The following AUTS2 variants were observed in gnomAD, a reference collection of about 807,000 sequenced individuals.
The protein encoded by AUTS2 is activator of transcription and developmental regulator AUTS2.
In AUTS2, 17 loss-of-function variants were observed where a neutral mutation model predicts 112.4. The ratio of observed to expected loss-of-function variants is 0.15; its 90% confidence interval spans 0.10 to 0.23. The LOEUF is 0.23. Among genes scored for constraint, AUTS2 ranks in the 10% least tolerant of loss-of-function variants. The pLI, the probability that AUTS2 is intolerant of heterozygous loss-of-function variation, is 1.00. For missense variants in AUTS2, 1,510 were observed against 1,701.6 expected, an observed-to-expected ratio of 0.89 and a Z score of 1.98; for synonymous variants, 751 against 702.7, an observed-to-expected ratio of 1.07 and a Z score of -1.09.
chr7:70,170,092 A>G (rs1808590742), intron 4 of AUTS2, among the ~76,000 whole-genome samples: 1 of 151,898 alleles, frequency 6.6e-6, no homozygotes, highest in Admixed American at 6.6e-5. Context: ...TTTTTATTAA[A>G]AAAAAAAACT....
intron 5 of AUTS2, among the ~76,000 whole-genome samples, chr7:70,441,442 A>G (rs936471622): frequency 3.3e-5 from 5 of 152,124 alleles, no homozygotes; most frequent in Admixed American, 3.3e-4. Context: ...CTGGAGTACA[A>G]TGGCATAATC....
At chr7:69,718,213 G>A (rs1027770227) in intron 1 of AUTS2, among the ~76,000 whole-genome samples, 2 of 152,182 alleles carry the variant, frequency 1.3e-5, no homozygotes, top group Non-Finnish European at 2.9e-5. Flanking sequence ...CTTAGAGAAT[G>A]TTTGAGCATA....
In AUTS2 at chr7:70,790,612, C is replaced by G. The variant is rs1184910197; in HGVS notation, c.3396C>G (p.His1132Gln). Residue 1132 changes from histidine (H) to glutamine (Q), a missense_variant, in exon 19 of 19, where the codon CAC (histidine) becomes CAG (glutamine). Physicochemically the swap from His to Gln is conservative, Grantham distance 24 (BLOSUM62 0). Around this residue, in one of 3 missense-constraint regions of AUTS2, gnomAD observed 788 missense variants for 797.6 expected, o/e 0.99. Transcript: ENST00000342771. This position sits in a 1 kb window ranked among gnomAD's most constrained non-coding sequence, Gnocchi z 7.6. The stretch of plus-strand genomic sequence containing the variant: ...ACAGCCACCACCACCACCACCACCA[C>G]CACCCGCTGTCTGTGGACCCTCGGC... Reference protein sequence around the residue: ...HDYSHHHHHHHHPLSVDPRRE... With the variant: ...HDYSHHHHHHQHPLSVDPRRE... 6.2e-7 allele frequency: 1 copy of G among 1,609,030 alleles called. No individual in the cohort carries two copies. The highest frequency in any genetic ancestry group is 8.5e-7 in the Non-Finnish European group (1 of 1,178,128).
At chr7:70,651,049 G>A (rs1433182837) in intron 5 of AUTS2, among the ~76,000 whole-genome samples, 2 of 152,198 alleles carry the variant, frequency 1.3e-5, no homozygotes, top group Admixed American at 1.3e-4. Context: ...ATGAGCACTT[G>A]CTGATATGAG....
intron 6 of AUTS2, among the ~76,000 whole-genome samples, chr7:70,736,953 T>C (rs1486912210): frequency 6.6e-6 from 1 of 152,190 alleles, no homozygotes. Flanking sequence ...CTGATCACTT[T>C]CCGTGGTTCC....
At chr7:69,870,448 A>AATATATATATATAT (rs11467258) in intron 1 of AUTS2, among the ~76,000 whole-genome samples, 4,764 of 78,914 alleles carry the variant, frequency 0.06, 414 homozygotes, top group East Asian at 0.17. Context: ...ATGTGTGTGT[A>AATATATATATATAT]ATATATATAT....
intron 1 of AUTS2, among the ~76,000 whole-genome samples, chr7:69,779,866 A>AT (rs1443723988): frequency 1.3e-5 from 2 of 151,034 alleles, no homozygotes; most frequent in African/African-American, 2.4e-5. Context: ...TATTTTGTGT[A>AT]TTTTTTTCAG....
intron 4 of AUTS2, among the ~76,000 whole-genome samples, chr7:70,227,903 C>T (rs1811849875): frequency 6.6e-6 from 1 of 152,122 alleles, no homozygotes; most frequent in African/African-American, 2.4e-5. Context: ...ATGTACTATA[C>T]TCATTTGGGG....
intron 5 of AUTS2, among the ~76,000 whole-genome samples, chr7:70,472,976 T>C (rs1797450065): frequency 6.6e-6 from 1 of 152,226 alleles, no homozygotes; most frequent in Non-Finnish European, 1.5e-5. Context: ...ACAAGATGTA[T>C]GTCCTTCCTG....
intron 4 of AUTS2, among the ~76,000 whole-genome samples, chr7:70,352,210 G>A (rs1430095116): frequency 6.6e-6 from 1 of 152,116 alleles, no homozygotes; most frequent in Non-Finnish European, 1.5e-5. Context: ...CAGCCAGAAC[G>A]CATGCTCTTA....
At chr7:70,369,596 A>C (rs1239804974) in intron 4 of AUTS2, among the ~76,000 whole-genome samples, 2 of 152,128 alleles carry the variant, frequency 1.3e-5, no homozygotes, top group Non-Finnish European at 2.9e-5. Context: ...AGTGGCCAGA[A>C]AGAAGAGGAG....
Position 69,661,106 on chromosome 7 carries a change from G to A in AUTS2, c.309+61144G>A, listed in dbSNP as rs941820841. On this transcript the variant is annotated intron_variant, in intron 1 of 18. Transcript: ENST00000342771. ...TTCAGAGGTAACACTACTAGATCTG[G>A]AGAGAGTTCTGTACATTCAGGGAAT... 2.6e-5 allele frequency among the ~76,000 whole-genome samples: 4 copies of A among 152,260 alleles called. No homozygotes were observed. The East Asian group carries it at 5.8e-4, about 22-fold the overall frequency.
chr7:69,669,874 T>C (rs1350866906), intron 1 of AUTS2, among the ~76,000 whole-genome samples: 2 of 152,218 alleles, frequency 1.3e-5, no homozygotes. Context: ...ACCATTTGTA[T>C]GCCAGGTGCT....
intron 2 of AUTS2, among the ~76,000 whole-genome samples, chr7:70,100,661 G>C (rs531642951): frequency 2.1e-4 from 30 of 141,118 alleles, no homozygotes; most frequent in Non-Finnish European, 3.7e-4. Flanking sequence ...CCATTCTTTT[G>C]TTCAAGAGTA....
At chr7:69,767,077 G>T (rs1384195505) in intron 1 of AUTS2, among the ~76,000 whole-genome samples, 1 of 152,214 alleles carries the variant, frequency 6.6e-6, no homozygotes. Context: ...ACGTTTGTAC[G>T]TGTGTGTGTT....
intron 4 of AUTS2, among the ~76,000 whole-genome samples, chr7:70,156,077 C>A (rs1238290841): frequency 2.0e-5 from 3 of 152,178 alleles, no homozygotes; most frequent in Admixed American, 6.5e-5. Context: ...ATAACTTCAT[C>A]TAGCCCTGTT....
intron 5 of AUTS2, among the ~76,000 whole-genome samples, chr7:70,565,640 A>G (rs754740171): frequency 2.4e-4 from 37 of 152,358 alleles, no homozygotes; most frequent in Non-Finnish European, 4.6e-4. Context: ...GGGTTGTACC[A>G]CTGTACTCCA....
At chr7:69,733,472 G>C (rs1418608878) in intron 1 of AUTS2, among the ~76,000 whole-genome samples, 1 of 152,176 alleles carries the variant, frequency 6.6e-6, no homozygotes, top group Admixed American at 6.6e-5. Flanking sequence ...ACCATTGGTA[G>C]AGATAGGTTT....
intron 4 of AUTS2, among the ~76,000 whole-genome samples, chr7:70,366,174 T>A (rs1792559509): frequency 6.6e-6 from 1 of 152,226 alleles, no homozygotes; most frequent in African/African-American, 2.4e-5. Flanking sequence ...CTCCTATATT[T>A]GCCTCTGAGT....
Sources: gnomAD v4.1 joint callset for allele counts (sites outside exome capture counted in the v4.1 genomes callset) on GRCh38, gnomAD v4.1.1 for gene constraint, gnomAD v4.1.1 regional missense constraint, Gnocchi (gnomAD v3.1) non-coding constraint, MANE v1.5 for transcripts, NCBI Gene and HGNC (gene_info 2026-07-23, HGNC 2026-07-21) for gene names.